The following THOC2 variants were observed in gnomAD, a reference collection of about 807,000 sequenced individuals.
THOC2 encodes THO complex subunit 2.
Under a neutral mutation model 128.4 loss-of-function variants are expected in THOC2, and 10 were observed. That is an observed-to-expected ratio of 0.08 (90% CI 0.05 to 0.13). The LOEUF (loss-of-function observed/expected upper bound fraction) is 0.13. Among genes scored for constraint, THOC2 ranks in the 10% least tolerant of loss-of-function variants. The probability of loss-of-function intolerance (pLI) is 1.00; values close to 1 mark genes in which losing one functional copy is unlikely to be tolerated. For missense variants in THOC2, 535 were observed against 1,155.7 expected (o/e 0.46, Z 7.79); for synonymous variants, 393 against 396.9 (o/e 0.99, Z 0.12).
intron 8 of THOC2, among the ~76,000 whole-genome samples, chrX:123,682,297 C>T (rs1475070930): frequency 8.9e-6 from 1 of 111,920 alleles, no homozygotes; most frequent in African/African-American, 3.2e-5. Context: ...AGTTAGATCA[C>T]ATCACTACCC....
intron 1 of THOC2, among the ~76,000 whole-genome samples, chrX:123,714,663 G>A (rs1255472992): frequency 3.6e-5 from 4 of 111,794 alleles, no homozygotes; most frequent in Admixed American, 9.5e-5. Flanking sequence ...CCCAAGATAA[G>A]GAGACTACAT....
intron 12 of THOC2, among the ~76,000 whole-genome samples, chrX:123,658,459 G>T (rs1484609151): frequency 2.7e-5 from 3 of 111,606 alleles, no homozygotes; most frequent in Non-Finnish European, 1.9e-5. Context: ...ATGTCCTTCA[G>T]TAGGTGAATG....
At chrX:123,680,734 A>C (rs1446408563) in intron 8 of THOC2, among the ~76,000 whole-genome samples, 1 of 110,968 alleles carries the variant, frequency 9.0e-6, no homozygotes, top group Non-Finnish European at 1.9e-5. Context: ...CTCCAAACCC[A>C]ATCTACCTGA....
At chrX:123,642,155 G>C (rs2047940720) in intron 15 of THOC2, among the ~76,000 whole-genome samples, 1 of 112,432 alleles carries the variant, frequency 8.9e-6, no homozygotes. Flanking sequence ...GCCGCGTGCA[G>C]TGGCTCACGC....
intron 15 of THOC2, 136 bp from the exon 16 acceptor site, chrX:123,640,758 A>G (rs1466318213): frequency 2.7e-6 from 1 of 367,173 alleles, no homozygotes; most frequent in Non-Finnish European, 4.8e-6. Flanking sequence ...AAACAACTAC[A>G]TTCATCACAT....
At chrX:123,609,256 G>A (rs1350576214) in intron 38 of THOC2, among the ~76,000 whole-genome samples, 2 of 112,120 alleles carry the variant, frequency 1.8e-5, no homozygotes, top group African/African-American at 6.5e-5. Context: ...TTGTAAGGTT[G>A]GGATGGGGGT....
intron 18 of THOC2, among the ~76,000 whole-genome samples, chrX:123,637,041 C>T (rs770237380): frequency 9.0e-6 from 1 of 111,594 alleles, no homozygotes; most frequent in South Asian, 3.8e-4. Flanking sequence ...ATAAACAGAA[C>T]ATGGAGTGGG....
intron 1 of THOC2, among the ~76,000 whole-genome samples, chrX:123,732,712 TA>T (rs1309845542): frequency 9.0e-6 from 1 of 111,634 alleles, no homozygotes; most frequent in African/African-American, 3.3e-5. Context: ...ACTAAGAGGC[TA>T]AAGGAAGCCG....
chrX:123,633,374 T>G (rs775571643), intron 20 of THOC2, among the ~76,000 whole-genome samples: 2 of 111,922 alleles, frequency 1.8e-5, no homozygotes, highest in Non-Finnish European at 3.8e-5. Flanking sequence ...GAAGATATAG[T>G]AATTATTTGG....
intron 9 of THOC2, among the ~76,000 whole-genome samples, chrX:123,670,390 A>T (rs1315940103): frequency 2.7e-5 from 3 of 111,390 alleles, no homozygotes; most frequent in Non-Finnish European, 5.7e-5. Flanking sequence ...AGGCTGAGGC[A>T]GGCAAATCAC....
intron 1 of THOC2, among the ~76,000 whole-genome samples, chrX:123,728,068 C>T (rs185803839): frequency 1.8e-5 from 2 of 111,886 alleles, no homozygotes; most frequent in African/African-American, 6.5e-5. Flanking sequence ...TGTTCATTTA[C>T]GCTTCACTTA....
intron 15 of THOC2, among the ~76,000 whole-genome samples, chrX:123,642,687 A>T (rs1474443914): frequency 1.8e-5 from 2 of 109,855 alleles, no homozygotes; most frequent in East Asian, 5.7e-4. Context: ...GTTCAAGACC[A>T]GCCTGGGCAA....
At chrX:123,660,440 T>C (rs904044215) in intron 12 of THOC2, among the ~76,000 whole-genome samples, 3 of 111,956 alleles carry the variant, frequency 2.7e-5, no homozygotes, top group African/African-American at 9.7e-5. Context: ...ACAGTCTGTT[T>C]ATATAGTCTC....
At chrX:123,725,783 A>G (rs959109369) in intron 1 of THOC2, among the ~76,000 whole-genome samples, 1 of 111,372 alleles carries the variant, frequency 9.0e-6, no homozygotes, top group Non-Finnish European at 1.9e-5. Context: ...TAACCTAAAA[A>G]TGCCATCTAG....
rs757557399 is a variant in THOC2, at chrX:123,623,911, G to A, written c.3379C>T (p.Leu1127=). ...YTHIRNILIV[L]TKILPWYPKV... ...GGGTACCAAGGAAGTATTTTTGTTA[G>A]CACAATCAAGATATTCCTGATGTGA... The change falls in exon 28 of 39, where the codon CTA becomes TTA. Residue 1127 remains leucine, a synonymous_variant. Coordinates refer to ENST00000245838, the MANE Select transcript of THOC2 (RefSeq NM_001081550.2). 9 of 1,208,381 alleles carry A rather than the reference G, an allele frequency of 7.4e-6. No individual in the cohort carries two copies. The African/African-American group carries it at 1.6e-4, about 21-fold the overall frequency.
intron 26 of THOC2, 118 bp downstream of exon 26, chrX:123,624,423 C>T: frequency 2.0e-5 from 17 of 843,833 alleles, no homozygotes; most frequent in Non-Finnish European, 2.8e-5. Context: ...TGCTTATAAA[C>T]ACAGTTTTAC....
At chrX:123,725,576 C>CCAGCCTGGG (rs1472734595) in intron 1 of THOC2, among the ~76,000 whole-genome samples, 8 of 97,471 alleles carry the variant, frequency 8.2e-5, no homozygotes, top group Non-Finnish European at 1.4e-4. Flanking sequence ...CCACTGCACT[C>CCAGCCTGGG]CAGCCTGGGC....
At chrX:123,602,596 T>A (rs1469909333) in intron 38 of THOC2, 2 of 112,157 alleles carry the variant, frequency 1.8e-5, no homozygotes, top group Admixed American at 1.9e-4. Context: ...TGGGAGTGAC[T>A]GCTAATAGGC....
chrX:123,694,386 G>A (rs1256368517), intron 7 of THOC2, among the ~76,000 whole-genome samples: 6 of 109,719 alleles, frequency 5.5e-5, no homozygotes, highest in Non-Finnish European at 9.5e-5. Flanking sequence ...AGGCCAAGGC[G>A]GGCGGATCAC....
Sources: allele counts gnomAD v4.1 joint callset (sites outside exome capture counted in the v4.1 genomes callset), GRCh38; gene constraint gnomAD v4.1.1; transcripts MANE v1.5; gene names NCBI Gene and HGNC (gene_info 2026-07-23, HGNC 2026-07-21).